DIAPH2: variants seen among roughly 807,000 people sequenced by gnomAD.
DIAPH2 encodes protein diaphanous homolog 2.
DIAPH2 carries 35 observed loss-of-function variants against 92.7 expected under a neutral mutation model. The ratio of observed to expected loss-of-function variants is 0.38; its 90% confidence interval spans 0.29 to 0.50. The LOEUF is 0.50. DIAPH2 is among the 20% of genes least tolerant of loss of function. The probability of loss-of-function intolerance (pLI) is 0.94; values close to 1 mark genes in which losing one functional copy is unlikely to be tolerated. For synonymous variants in DIAPH2, 301 were observed against 280.4 expected (o/e 1.07, Z -0.73); for missense variants, 701 against 819.5 (o/e 0.86, Z 1.77).
At chrX:97,115,076 G>T (rs1254032059) in intron 21 of DIAPH2, 111 bp downstream of exon 21, 6 of 747,035 alleles carry the variant, frequency 8.0e-6, no homozygotes, top group Admixed American at 3.7e-5. Context: ...GCTTAAAAAG[G>T]GTGAATTTTC....
intron 17 of DIAPH2, among the ~76,000 whole-genome samples, chrX:97,004,130 C>T (rs2066163368): frequency 9.0e-6 from 1 of 111,541 alleles, no homozygotes; most frequent in Non-Finnish European, 1.9e-5. Flanking sequence ...GTTCTCTATT[C>T]TGTTCCATTT....
intron 23 of DIAPH2, among the ~76,000 whole-genome samples, chrX:97,305,159 G>A (rs1040323148): frequency 1.8e-5 from 2 of 112,339 alleles, no homozygotes; most frequent in Non-Finnish European, 3.8e-5. Context: ...ATAGCCAAGA[G>A]TAGGAGCTAA....
chrX:96,998,765 G>A (rs1041776502), intron 17 of DIAPH2, among the ~76,000 whole-genome samples: 7 of 111,548 alleles, frequency 6.3e-5, no homozygotes, highest in Admixed American at 3.8e-4. Flanking sequence ...AGCCAGACTC[G>A]TTGGGTTCAA....
intron 17 of DIAPH2, among the ~76,000 whole-genome samples, chrX:97,005,639 A>G (rs2066175772): frequency 9.0e-6 from 1 of 111,086 alleles, no homozygotes; most frequent in Admixed American, 9.6e-5. Context: ...TCCCGGGTTC[A>G]CGCCATTCTC....
chrX:97,285,275 C>T lies in DIAPH2; in HGVS notation c.2844+37436C>T, dbSNP rs368435168. 1.3e-4 allele frequency among the ~76,000 whole-genome samples: 14 copies of T among 105,330 alleles called. No homozygotes were observed. The East Asian group carries it at 3.3e-3, about 25-fold the overall frequency. The allele number at this position is 105,330 out of a possible 115,157, so 91.5% of individuals were successfully genotyped here. On this transcript the variant is annotated intron_variant, in intron 23 of 26. Coordinates refer to ENST00000324765, the MANE Select transcript of DIAPH2 (RefSeq NM_006729.5). The stretch of plus-strand genomic sequence containing the variant: ...AGTTATGGGGCCGGGCGCGGTGGCT[C>T]ATGCCTGTAATCCCAGCACTTTGGG...
At chrX:96,844,573 T>A (rs2064958556) in intron 4 of DIAPH2, among the ~76,000 whole-genome samples, 2 of 112,482 alleles carry the variant, frequency 1.8e-5, no homozygotes, top group African/African-American at 6.5e-5. Flanking sequence ...ATTTAAAAAA[T>A]GGAAATAGTA....
intron 10 of DIAPH2, among the ~76,000 whole-genome samples, chrX:96,936,262 A>C (rs2147798287): frequency 8.9e-6 from 1 of 111,983 alleles, no homozygotes; most frequent in Non-Finnish European, 1.9e-5. Context: ...CTTCAGTAAT[A>C]GCCATTACAT....
At chrX:97,390,334 G>A (rs769027062) in intron 25 of DIAPH2, among the ~76,000 whole-genome samples, 9 of 96,382 alleles carry the variant, frequency 9.3e-5, no homozygotes, top group African/African-American at 1.9e-4. Flanking sequence ...ATCCTCCCAC[G>A]TCAGCCTCCC....
At chrX:96,800,909 C>T (rs1009939194) in intron 4 of DIAPH2, among the ~76,000 whole-genome samples, 3 of 111,827 alleles carry the variant, frequency 2.7e-5, no homozygotes, top group African/African-American at 3.2e-5. Flanking sequence ...AGGAGCTTTA[C>T]GAACTGCATA....
At chrX:96,771,959 G>A (rs1030291501) in intron 4 of DIAPH2, among the ~76,000 whole-genome samples, 13 of 110,495 alleles carry the variant, frequency 1.2e-4, no homozygotes, top group African/African-American at 4.3e-4. Flanking sequence ...AATCTCTTGA[G>A]CCTGGAAGTC....
intron 22 of DIAPH2, among the ~76,000 whole-genome samples, chrX:97,163,255 G>A (rs1381451329): frequency 2.7e-5 from 3 of 110,692 alleles, no homozygotes; most frequent in African/African-American, 9.9e-5. Flanking sequence ...CTGCAGCCTC[G>A]AACCCCCCTG....
At chrX:96,973,688 C>CTTTT (rs1169211955) in intron 17 of DIAPH2, among the ~76,000 whole-genome samples, 35 of 46,685 alleles carry the variant, frequency 7.5e-4, no homozygotes, top group African/African-American at 2.6e-3. Flanking sequence ...TGAATATTTG[C>CTTTT]TTTTTTTTTT....
Position 97,065,871 on chromosome X carries a change from G to A in DIAPH2, c.2051-7070G>A, listed in dbSNP as rs186725467. 3.2e-3 allele frequency among the ~76,000 whole-genome samples: 353 copies of A among 111,330 alleles called. 1 individual carries two copies. Among genetic ancestry groups the A allele is most frequent in the African/African-American group, 0.011 (345 of 30,647 alleles). On this transcript the variant is annotated intron_variant, in intron 17 of 26. Transcript: ENST00000324765. ...CCTGTACAGGCCTAGGCTAATGTGT[G>A]TGTTTGTGTCTTAGTTTTTAACAGA...
chrX:97,169,294 A>G (rs7051269), intron 22 of DIAPH2, among the ~76,000 whole-genome samples: 39,367 of 110,440 alleles, frequency 0.36, 5,229 homozygotes, highest in East Asian at 0.62. Flanking sequence ...GGTTGATAAC[A>G]GAAACCCAGA....
intron 23 of DIAPH2, among the ~76,000 whole-genome samples, chrX:97,326,809 T>G (rs1422954411): frequency 1.8e-5 from 2 of 112,477 alleles, no homozygotes; most frequent in African/African-American, 6.5e-5. Flanking sequence ...TGGTAATTGA[T>G]GCACACCTGT....
chrX:97,311,559 T>A (rs1218258365), intron 23 of DIAPH2, among the ~76,000 whole-genome samples: 1 of 110,799 alleles, frequency 9.0e-6, no homozygotes, highest in Non-Finnish European at 1.9e-5. Context: ...AAAGCTGTCT[T>A]CTTGTGCTGA....
chrX:97,302,037 AC>A (rs1216389146), intron 23 of DIAPH2, among the ~76,000 whole-genome samples: 2 of 106,893 alleles, frequency 1.9e-5, no homozygotes, highest in African/African-American at 6.9e-5. Context: ...ACATGGTGAA[AC>A]CCCATCTCTA....
intron 26 of DIAPH2, among the ~76,000 whole-genome samples, chrX:97,450,941 C>A (rs1056165391): frequency 9.6e-6 from 1 of 104,027 alleles, no homozygotes; most frequent in African/African-American, 3.5e-5. Context: ...GAAGTGAAAA[C>A]TTCTAGAAAA....
chrX:97,288,653 A>C (rs1212308061), intron 23 of DIAPH2, among the ~76,000 whole-genome samples: 2 of 107,959 alleles, frequency 1.9e-5, no homozygotes, highest in African/African-American at 6.8e-5. Context: ...AGGCAGGAGA[A>C]TCGCTTGAAC....
Sources: allele counts gnomAD v4.1 joint callset (sites outside exome capture counted in the v4.1 genomes callset), GRCh38; gene constraint gnomAD v4.1.1; transcripts MANE v1.5; gene names NCBI Gene and HGNC (gene_info 2026-07-23, HGNC 2026-07-21).